GDAP1: variants seen among roughly 807,000 people sequenced by gnomAD.
The protein encoded by GDAP1 is ganglioside induced differentiation associated protein 1.
Under a neutral mutation model 40.1 loss-of-function variants are expected in GDAP1, and 34 were observed. The observed-to-expected ratio is 0.85, with a 90% CI of 0.64 to 1.13. GDAP1 has a LOEUF of 1.13. Ranked by LOEUF, GDAP1 falls within the 50% of genes most tolerant of loss-of-function variation. The pLI is 0.00. For synonymous variants in GDAP1, 170 were observed against 157.4 expected, an observed-to-expected ratio of 1.08 and a Z score of -0.60; for missense variants, 374 against 433.7, an observed-to-expected ratio of 0.86 and a Z score of 1.22.
In GDAP1 at chr8:74,360,185, G is replaced by A. The variant is rs1174933176; in HGVS notation, c.359G>A (p.Arg120Gln). Residue 120 changes from arginine (R) to glutamine (Q), a missense_variant, in exon 3 of 6, where the codon CGG becomes CAG. By Grantham distance (43) the Arg-to-Gln change is conservative. Coordinates refer to ENST00000220822, the MANE Select transcript of GDAP1 (RefSeq NM_018972.4). Reference sequence around the variant, plus strand: ...GATAAAGAAAGCATGTATTACCCACGGGTACAACATTACCGAGAGCTGCTT... The same window carrying A: ...GATAAAGAAAGCATGTATTACCCACAGGTACAACATTACCGAGAGCTGCTT... ...MPDKESMYYPRVQHYRELLDS... is the reference protein window; with the variant it reads ...MPDKESMYYPQVQHYRELLDS... The A allele has an allele frequency of 3.7e-6, 6 of 1,613,368 alleles. No homozygotes were observed. The highest frequency in any genetic ancestry group is 2.2e-5 in the South Asian group (2 of 91,054).
At chr8:74,480,775 C>A (rs1806701137) in intron 2 of GDAP1, among the ~76,000 whole-genome samples, 1 of 152,100 alleles carries the variant, frequency 6.6e-6, no homozygotes, top group Non-Finnish European at 1.5e-5. Context: ...TCTTCTGTTT[C>A]TTATTAAACC....
intron 2 of GDAP1, among the ~76,000 whole-genome samples, chr8:74,473,168 T>C (rs1387503457): frequency 6.6e-6 from 1 of 152,146 alleles, no homozygotes; most frequent in Non-Finnish European, 1.5e-5. Flanking sequence ...TAAATTTGTG[T>C]AAGTTCTTGA....
chr8:74,396,800 G>A (rs1197177824), intron 2 of GDAP1, among the ~76,000 whole-genome samples: 2 of 152,086 alleles, frequency 1.3e-5, no homozygotes, highest in African/African-American at 4.8e-5. Context: ...ATTGTGAATA[G>A]TGCCGCAATA....
At chr8:74,410,021 C>A in intron 2 of GDAP1, among the ~76,000 whole-genome samples, 1 of 150,004 alleles carries the variant, frequency 6.7e-6, no homozygotes, top group African/African-American at 2.5e-5. Context: ...CTAGACTGAA[C>A]CCCTGGTGTT....
chr8:74,462,462 T>G (rs1806412891), intron 2 of GDAP1, among the ~76,000 whole-genome samples: 1 of 152,196 alleles, frequency 6.6e-6, no homozygotes, highest in South Asian at 2.1e-4. Flanking sequence ...CTTAGTGCCT[T>G]GGGACATGTA....
At chr8:74,423,992 T>G (rs539217294) in intron 2 of GDAP1, among the ~76,000 whole-genome samples, 1 of 152,204 alleles carries the variant, frequency 6.6e-6, no homozygotes, top group African/African-American at 2.4e-5. Context: ...TGGTTCCAGG[T>G]TTTATCTCCT....
At chr8:74,424,488 G>A (rs1470753075) in intron 2 of GDAP1, among the ~76,000 whole-genome samples, 1 of 152,114 alleles carries the variant, frequency 6.6e-6, no homozygotes, top group Non-Finnish European at 1.5e-5. Context: ...GCAGAAACAT[G>A]ACAATATTGA....
intron 2 of GDAP1, among the ~76,000 whole-genome samples, chr8:74,385,480 C>T (rs1265064837): frequency 1.3e-5 from 2 of 152,168 alleles, no homozygotes; most frequent in Non-Finnish European, 2.9e-5. Flanking sequence ...TTTCCAGCTT[C>T]ATCCATGTCC....
chr8:74,480,210 G>T (rs541558993), intron 2 of GDAP1, among the ~76,000 whole-genome samples: 1 of 151,980 alleles, frequency 6.6e-6, no homozygotes, highest in East Asian at 1.9e-4. Flanking sequence ...GGATGGTCTC[G>T]ATCTCCTGAC....
intron 2 of GDAP1, among the ~76,000 whole-genome samples, chr8:74,470,030 C>T (rs750552233): frequency 3.3e-5 from 5 of 152,048 alleles, no homozygotes; most frequent in Admixed American, 6.6e-5. Flanking sequence ...ACCATTTGAG[C>T]CTGGAGGTTT....
At chr8:74,387,087 C>T (rs192478192) in intron 2 of GDAP1, among the ~76,000 whole-genome samples, 16 of 152,296 alleles carry the variant, frequency 1.1e-4, no homozygotes, top group East Asian at 5.8e-4. Context: ...TAGGCTGAGA[C>T]GATGGGATTT....
downstream of GDAP1, among the ~76,000 whole-genome samples, chr8:74,367,308 T>C (rs1050896810): frequency 5.9e-5 from 9 of 152,196 alleles, no homozygotes; most frequent in African/African-American, 2.2e-4. Context: ...GTATGGATTA[T>C]TCATATTGAA....
intron 2 of GDAP1, among the ~76,000 whole-genome samples, chr8:74,403,655 C>CATTT (rs1236227082): frequency 2.7e-5 from 4 of 150,310 alleles, no homozygotes; most frequent in Admixed American, 2.0e-4. Context: ...TTGGGTAAGA[C>CATTT]ATTTGGGCAG....
chr8:74,449,571 GT>G (rs1229768163), intron 2 of GDAP1, among the ~76,000 whole-genome samples: 9 of 151,744 alleles, frequency 5.9e-5, no homozygotes, highest in Non-Finnish European at 8.9e-5. Context: ...AGTATTTTAT[GT>G]TTTTTATGTT....
chr8:74,413,506 A>G (rs1267574312), intron 2 of GDAP1, among the ~76,000 whole-genome samples: 1 of 149,750 alleles, frequency 6.7e-6, no homozygotes, highest in Non-Finnish European at 1.5e-5. Context: ...TCTACTGAGA[A>G]TTAGAAAGGA....
chr8:74,485,253 A>C (rs1563482257), intron 2 of GDAP1, among the ~76,000 whole-genome samples: 1 of 152,190 alleles, frequency 6.6e-6, no homozygotes, highest in Non-Finnish European at 1.5e-5. Context: ...ATTTATAGGT[A>C]AAATTCTGTT....
At chr8:74,430,713 C>CA (rs1806014905) in intron 2 of GDAP1, among the ~76,000 whole-genome samples, 1 of 151,438 alleles carries the variant, frequency 6.6e-6, no homozygotes, top group Admixed American at 6.6e-5. Flanking sequence ...AATTACAAAA[C>CA]AAAAAATAAA....
At chr8:74,470,763 A>G (rs1806542065) in intron 2 of GDAP1, among the ~76,000 whole-genome samples, 1 of 152,226 alleles carries the variant, frequency 6.6e-6, no homozygotes, top group Non-Finnish European at 1.5e-5. Context: ...CTTTGCGTAT[A>G]TACCCAGTAA....
At chr8:74,444,686 G>A (rs1806207196) in intron 2 of GDAP1, among the ~76,000 whole-genome samples, 1 of 152,110 alleles carries the variant, frequency 6.6e-6, no homozygotes, top group South Asian at 2.1e-4. Context: ...CATATGTTGG[G>A]TTATGGTTTT....
Sources: allele counts gnomAD v4.1 joint callset (sites outside exome capture counted in the v4.1 genomes callset), GRCh38; gene constraint gnomAD v4.1.1; transcripts MANE v1.5; gene names NCBI Gene and HGNC (gene_info 2026-07-23, HGNC 2026-07-21).